ADAM12: variants seen among roughly 807,000 people sequenced by gnomAD.
The protein encoded by ADAM12 is disintegrin and metalloproteinase domain-containing protein 12.
A neutral mutation model predicts 106.4 loss-of-function variants in ADAM12; 70 were observed. That is an observed-to-expected ratio of 0.66 (90% CI 0.54 to 0.80). The LOEUF (loss-of-function observed/expected upper bound fraction) is 0.80, where lower values mean the gene tolerates loss of function less well. Ranked by LOEUF, ADAM12 falls within the 30% of genes least tolerant of loss-of-function variation. The probability of loss-of-function intolerance (pLI) is 0.00; values close to 1 mark genes in which losing one functional copy is unlikely to be tolerated. For missense variants in ADAM12, 1,010 were observed against 1,171.9 expected, an observed-to-expected ratio of 0.86 and a Z score of 2.02; for synonymous variants, 420 against 433.5, an observed-to-expected ratio of 0.97 and a Z score of 0.39.
chr10:126,257,281 C>T (rs1027932040), intron 3 of ADAM12, among the ~76,000 whole-genome samples: 2 of 152,232 alleles, frequency 1.3e-5, no homozygotes, highest in African/African-American at 4.8e-5. Context: ...ACCAGGTATG[C>T]CCAATCCTCA....
At chr10:126,202,708 G>A (rs754900089) in intron 3 of ADAM12, among the ~76,000 whole-genome samples, 17 of 152,104 alleles carry the variant, frequency 1.1e-4, no homozygotes, top group East Asian at 1.9e-4. Flanking sequence ...CAATTTTGCC[G>A]GGGCCAAGAG....
At chr10:126,210,711 G>A (rs907197520) in intron 3 of ADAM12, among the ~76,000 whole-genome samples, 1 of 152,168 alleles carries the variant, frequency 6.6e-6, no homozygotes, top group Non-Finnish European at 1.5e-5. Flanking sequence ...CTAGGGAAAG[G>A]TTCCTTCCAC....
intron 5 of ADAM12, among the ~76,000 whole-genome samples, chr10:126,127,138 C>T (rs938450789): frequency 2.0e-5 from 3 of 152,188 alleles, no homozygotes; most frequent in Admixed American, 6.5e-5. Flanking sequence ...AGGGATGGCT[C>T]TCACAGGAGT....
At chr10:126,203,294 T>C (rs1265418145) in intron 3 of ADAM12, among the ~76,000 whole-genome samples, 1 of 150,664 alleles carries the variant, frequency 6.6e-6, no homozygotes, top group Non-Finnish European at 1.5e-5. Context: ...AATATGTCTA[T>C]GCCTTCCTAC....
At chr10:126,301,682 C>G (rs1384536558) in intron 2 of ADAM12, among the ~76,000 whole-genome samples, 1 of 152,140 alleles carries the variant, frequency 6.6e-6, no homozygotes, top group Admixed American at 6.5e-5. Flanking sequence ...TGGTAAGAAG[C>G]TTTGAGGATG....
At chr10:126,017,620 A>G (rs1953683764) in intron 22 of ADAM12, among the ~76,000 whole-genome samples, 2 of 152,232 alleles carry the variant, frequency 1.3e-5, no homozygotes, top group Non-Finnish European at 2.9e-5. Context: ...GAAAGGTGCA[A>G]TTAATTTTAG....
intron 11 of ADAM12, among the ~76,000 whole-genome samples, chr10:126,076,596 T>C (rs765516058): frequency 6.6e-6 from 1 of 152,206 alleles, no homozygotes; most frequent in African/African-American, 2.4e-5. Flanking sequence ...TGGTTTTGAT[T>C]TGCATTTCCC....
intron 3 of ADAM12, among the ~76,000 whole-genome samples, chr10:126,173,965 T>G: frequency 6.7e-6 from 1 of 149,626 alleles, no homozygotes; most frequent in Non-Finnish European, 1.5e-5. Flanking sequence ...ACAAACAACA[T>G]ATATATGCCT....
chr10:126,076,314 C>T (rs535940784), intron 11 of ADAM12, among the ~76,000 whole-genome samples: 2 of 152,214 alleles, frequency 1.3e-5, no homozygotes, highest in Non-Finnish European at 2.9e-5. Context: ...ATCCAATCCA[C>T]TGTTGAAGGG....
At chr10:126,110,894 A>G (rs978076098) in intron 6 of ADAM12, among the ~76,000 whole-genome samples, 19 of 152,222 alleles carry the variant, frequency 1.2e-4, no homozygotes, top group African/African-American at 4.6e-4. Flanking sequence ...TTTGGTCCTG[A>G]TGACTGATAT....
Position 126,094,269 on chromosome 10 carries a change from A to G in ADAM12, c.997-136T>C, listed in dbSNP as rs932013668. The G allele has an allele frequency of 3.6e-5, 31 of 861,458 alleles. No individual in the cohort carries two copies. The Admixed American group carries it at 3.9e-4, about 11-fold the overall frequency. 53.4% of individuals were successfully genotyped at this position (861,458 alleles called of 1,614,324 possible). Reference sequence around the variant, plus strand: ...ATTCCTTATAAGGGACCAAGGTAAAACGCTATCATTTAGTTTAAACTTAAA... The same window carrying G: ...ATTCCTTATAAGGGACCAAGGTAAAGCGCTATCATTTAGTTTAAACTTAAA... On this transcript the variant is annotated intron_variant, in intron 10 of 22. Transcript: ENST00000448723.
chr10:126,275,967 T>C (rs1959230492), intron 3 of ADAM12, among the ~76,000 whole-genome samples: 1 of 152,244 alleles, frequency 6.6e-6, no homozygotes, highest in African/African-American at 2.4e-5. Flanking sequence ...TGTAAACTAT[T>C]TTCATTTTTT....
chr10:126,226,424 G>A (rs903876329), intron 3 of ADAM12, among the ~76,000 whole-genome samples: 2 of 152,186 alleles, frequency 1.3e-5, no homozygotes, highest in African/African-American at 4.8e-5. Flanking sequence ...CGTTGGCAAG[G>A]GGTGTGAAGG....
At chr10:126,226,650 G>T (rs1434620145) in intron 3 of ADAM12, among the ~76,000 whole-genome samples, 1 of 152,316 alleles carries the variant, frequency 6.6e-6, no homozygotes, top group East Asian at 1.9e-4. Context: ...TTGTTGTGAA[G>T]GCTAAATGAG....
rs558308458 is a variant in ADAM12, at chr10:126,347,506, T to C, written c.89-16997A>G. 2.7e-4 allele frequency among the ~76,000 whole-genome samples: 41 copies of C among 152,308 alleles called. 1 individual carries two copies. The South Asian group carries it at 7.5e-3, about 28-fold the overall frequency. On this transcript the variant is annotated intron_variant, in intron 1 of 22. Transcript: ENST00000448723. Reference sequence around the variant, plus strand: ...AATCTGACAATTATGGGTCTTGGATTTGCTCTTCTTGAGGAGTATCTTTGT... The same window carrying C: ...AATCTGACAATTATGGGTCTTGGATCTGCTCTTCTTGAGGAGTATCTTTGT...
chr10:126,382,644 G>T (rs940272163), intron 1 of ADAM12, among the ~76,000 whole-genome samples: 3 of 152,166 alleles, frequency 2.0e-5, no homozygotes, highest in Non-Finnish European at 4.4e-5. Context: ...ATCTGTGGAA[G>T]TACACAGAAC....
chr10:126,138,456 C>A (rs1956447352), intron 4 of ADAM12, among the ~76,000 whole-genome samples: 1 of 152,134 alleles, frequency 6.6e-6, no homozygotes, highest in South Asian at 2.1e-4. Flanking sequence ...CTCATTGCAA[C>A]CTCTGCTTCC....
intron 5 of ADAM12, among the ~76,000 whole-genome samples, chr10:126,130,362 G>T (rs999769765): frequency 2.6e-5 from 4 of 152,076 alleles, no homozygotes; most frequent in Non-Finnish European, 5.9e-5. Flanking sequence ...TGTAACAACA[G>T]CACAAAGATC....
chr10:126,180,504 C>T (rs942701883), intron 3 of ADAM12, among the ~76,000 whole-genome samples: 6 of 152,106 alleles, frequency 3.9e-5, no homozygotes, highest in Admixed American at 3.3e-4. Context: ...TAAACGAAGA[C>T]AGTACGAGAA....
Sources: gnomAD v4.1 joint callset for allele counts (sites outside exome capture counted in the v4.1 genomes callset) on GRCh38, gnomAD v4.1.1 for gene constraint, MANE v1.5 for transcripts, NCBI Gene and HGNC (gene_info 2026-07-23, HGNC 2026-07-21) for gene names.